The following GRM8 variants were observed in gnomAD, a reference collection of about 807,000 sequenced individuals.
GRM8 encodes the protein metabotropic glutamate receptor 8.
GRM8 carries 47 observed loss-of-function variants against 87.2 expected under a neutral mutation model. The ratio of observed to expected loss-of-function variants is 0.54; its 90% CI spans 0.43 to 0.69. The LOEUF (loss-of-function observed/expected upper bound fraction) is 0.69, where lower values mean the gene tolerates loss of function less well. GRM8 is among the 30% of genes least tolerant of loss of function. GRM8 has a pLI of 0.00. For synonymous variants in GRM8, 396 were observed against 404.5 expected (o/e 0.98, Z 0.25); for missense variants, 1,019 against 1,139.2 (o/e 0.89, Z 1.52).
chr7:126,988,378 C>T (rs1314378407), intron 3 of GRM8, among the ~76,000 whole-genome samples: 2 of 152,210 alleles, frequency 1.3e-5, no homozygotes, highest in Non-Finnish European at 1.5e-5. Context: ...CCTAACTTGA[C>T]TTAAGTAACC....
chr7:126,588,119 T>TA (rs1014945145), intron 8 of GRM8, among the ~76,000 whole-genome samples: 3 of 152,148 alleles, frequency 2.0e-5, no homozygotes, highest in South Asian at 2.1e-4. Flanking sequence ...AACCTGAATG[T>TA]AAAAAAACAT....
intron 6 of GRM8, among the ~76,000 whole-genome samples, chr7:126,824,667 C>A (rs1169847889): frequency 6.6e-6 from 1 of 152,214 alleles, no homozygotes; most frequent in Admixed American, 6.5e-5. Flanking sequence ...TGGCACCCAT[C>A]CCAAAAGTAT....
chr7:126,657,423 C>CA (rs1804645885), intron 7 of GRM8, among the ~76,000 whole-genome samples: 3 of 152,052 alleles, frequency 2.0e-5, no homozygotes, highest in South Asian at 2.1e-4. Flanking sequence ...CAACCCCCCC[C>CA]CAAAAAAGTC....
At chr7:126,574,485 C>T (rs1794945265) in intron 8 of GRM8, among the ~76,000 whole-genome samples, 1 of 152,180 alleles carries the variant, frequency 6.6e-6, no homozygotes, top group Non-Finnish European at 1.5e-5. Flanking sequence ...CATCATAACA[C>T]ATTCCAATGC....
chr7:126,645,076 C>T (rs1585346587), intron 7 of GRM8, among the ~76,000 whole-genome samples: 1 of 152,178 alleles, frequency 6.6e-6, no homozygotes, highest in Non-Finnish European at 1.5e-5. Context: ...AACTTGAAAG[C>T]TAGGACGATA....
intron 3 of GRM8, among the ~76,000 whole-genome samples, chr7:127,020,203 A>G (rs1425414943): frequency 1.3e-5 from 2 of 152,126 alleles, no homozygotes; most frequent in African/African-American, 4.8e-5. Context: ...GTAAGTTAGT[A>G]TTATGTAATC....
At position 127,165,066 on chromosome 7, in the gene GRM8, G is replaced by A. The variant is rs554084576; in HGVS notation, c.511-58354C>T. On this transcript the variant is annotated intron_variant, in intron 2 of 10. Transcript: ENST00000339582. ...TTTTTCTAAGTCCTGAGGATGTAAC[G>A]GTGAAAAACATAAAGCCCCTGCCCT... Among the ~76,000 whole-genome samples the A allele has an allele frequency of 1.2e-4, 17 of 143,450 alleles. 1 individual carries two copies. The highest frequency in any genetic ancestry group is 1.1e-3 in the South Asian group (5 of 4,458). 94.1% of individuals were successfully genotyped at this position (143,450 alleles called of 152,430 possible). A position where few individuals can be genotyped will look rare whatever the true frequency, so the allele number is the denominator to read the frequency against.
At chr7:127,217,548 T>A (rs1796635234) in intron 2 of GRM8, among the ~76,000 whole-genome samples, 2 of 152,176 alleles carry the variant, frequency 1.3e-5, no homozygotes, top group Non-Finnish European at 2.9e-5. Flanking sequence ...AATATCAAAG[T>A]CCTGTTTCAG....
At chr7:127,245,908 A>G (rs1029280144) in intron 1 of GRM8, among the ~76,000 whole-genome samples, 1 of 152,242 alleles carries the variant, frequency 6.6e-6, no homozygotes, top group Non-Finnish European at 1.5e-5. Context: ...TGGAAAGCAT[A>G]GTATCTGGCT....
chr7:127,220,349 C>T (rs1452283668), intron 2 of GRM8, among the ~76,000 whole-genome samples: 1 of 152,160 alleles, frequency 6.6e-6, no homozygotes, highest in Non-Finnish European at 1.5e-5. Flanking sequence ...TAAAATATTA[C>T]TAATAACATT....
chr7:126,964,594 C>A (rs1018609326), intron 3 of GRM8, among the ~76,000 whole-genome samples: 1 of 152,262 alleles, frequency 6.6e-6, no homozygotes, highest in Middle Eastern at 3.4e-3. Flanking sequence ...AAATGCAAAT[C>A]AAAACCACAA....
chr7:126,531,845 G>C (rs1018338599), intron 9 of GRM8, among the ~76,000 whole-genome samples: 2 of 152,172 alleles, frequency 1.3e-5, no homozygotes, highest in East Asian at 3.9e-4. Context: ...GGGATTTTCT[G>C]CTGGGTCATG....
intron 3 of GRM8, among the ~76,000 whole-genome samples, chr7:126,946,972 A>G (rs906084918): frequency 6.6e-6 from 1 of 152,176 alleles, no homozygotes; most frequent in Non-Finnish European, 1.5e-5. Flanking sequence ...AACTTGCTCT[A>G]TATTGCCCAC....
intron 7 of GRM8, among the ~76,000 whole-genome samples, chr7:126,747,119 A>G (rs1815792421): frequency 6.6e-6 from 1 of 151,922 alleles, no homozygotes; most frequent in Non-Finnish European, 1.5e-5. Flanking sequence ...AACATAACAT[A>G]TATTCAGTAC....
At chr7:126,650,054 G>A (rs1005895886) in intron 7 of GRM8, among the ~76,000 whole-genome samples, 2 of 152,182 alleles carry the variant, frequency 1.3e-5, no homozygotes, top group African/African-American at 2.4e-5. Flanking sequence ...CTGGGCTTTG[G>A]TGGAAACTGA....
At chr7:126,571,505 CTCT>C (rs1362694100) in intron 8 of GRM8, among the ~76,000 whole-genome samples, 13 of 152,128 alleles carry the variant, frequency 8.5e-5, no homozygotes, top group African/African-American at 3.1e-4. Flanking sequence ...AACCAGAGGG[CTCT>C]TCTTTAAGAA....
intron 7 of GRM8, among the ~76,000 whole-genome samples, chr7:126,666,688 A>T (rs1337206066): frequency 1.3e-5 from 2 of 149,498 alleles, no homozygotes; most frequent in Admixed American, 6.7e-5. Flanking sequence ...ACAGTGATTT[A>T]AAAAAAAAAG....
intron 9 of GRM8, among the ~76,000 whole-genome samples, chr7:126,450,056 C>A (rs1478342418): frequency 6.6e-6 from 1 of 151,776 alleles, no homozygotes; most frequent in Non-Finnish European, 1.5e-5. Context: ...AATATGAAAT[C>A]TTTTCTGGGA....
intron 9 of GRM8, among the ~76,000 whole-genome samples, chr7:126,449,343 A>G (rs887665007): frequency 6.6e-6 from 1 of 151,828 alleles, no homozygotes; most frequent in Non-Finnish European, 1.5e-5. Flanking sequence ...TCTATGTCAC[A>G]GGGTGGGGTT....
Sources: gnomAD v4.1 joint callset for allele counts (sites outside exome capture counted in the v4.1 genomes callset) on GRCh38, gnomAD v4.1.1 for gene constraint, MANE v1.5 for transcripts, NCBI Gene and HGNC (gene_info 2026-07-23, HGNC 2026-07-21) for gene names.